The following PIN4 variants were observed in gnomAD, a reference collection of about 807,000 sequenced individuals.
PIN4 encodes the protein peptidyl-prolyl cis-trans isomerase NIMA-interacting 4.
In PIN4, 3 loss-of-function variants were observed where a neutral mutation model predicts 8.3. That is an observed-to-expected ratio of 0.36 (90% CI 0.16 to 0.93). The LOEUF (loss-of-function observed/expected upper bound fraction) is 0.93. Among genes scored for constraint, PIN4 ranks in the 40% least tolerant of loss-of-function variants. The pLI is 0.44. For synonymous variants in PIN4, 18 were observed against 32.5 expected, an observed-to-expected ratio of 0.55 and a Z score of 1.52; for missense variants, 75 against 100.6, an observed-to-expected ratio of 0.75 and a Z score of 1.09.
intron 2 of PIN4, among the ~76,000 whole-genome samples, chrX:72,189,345 C>G (rs777972230): frequency 9.0e-6 from 1 of 111,047 alleles, no homozygotes; most frequent in African/African-American, 3.3e-5. Flanking sequence ...TAACTATACC[C>G]GCTTCCCTCC....
At chrX:72,191,851 CCT>C (rs2042735853) in intron 2 of PIN4, among the ~76,000 whole-genome samples, 1 of 111,132 alleles carries the variant, frequency 9.0e-6, no homozygotes, top group African/African-American at 3.3e-5. Flanking sequence ...TTATCTCTAC[CCT>C]CTTTTTTGTT....
At chrX:72,220,458 A>G (rs1251002668) in intron 3 of PIN4, among the ~76,000 whole-genome samples, 3 of 111,496 alleles carry the variant, frequency 2.7e-5, no homozygotes, top group Non-Finnish European at 5.6e-5. Context: ...AACCACCTAA[A>G]TCTAAAGGGC....
At chrX:72,246,731 T>C (rs1426048196) in intron 3 of PIN4, among the ~76,000 whole-genome samples, 1 of 111,619 alleles carries the variant, frequency 9.0e-6, no homozygotes, top group Non-Finnish European at 1.9e-5. Context: ...TTCACCTCAC[T>C]ATTGTCTATT....
intron 3 of PIN4, among the ~76,000 whole-genome samples, chrX:72,222,785 A>T (rs979822171): frequency 2.8e-5 from 3 of 107,379 alleles, no homozygotes; most frequent in Admixed American, 9.9e-5. Context: ...TTTAGTAGAG[A>T]CAGGGTTTCA....
chrX:72,230,251 T>C (rs543527391), intron 3 of PIN4, among the ~76,000 whole-genome samples: 1 of 110,312 alleles, frequency 9.1e-6, no homozygotes. Context: ...TATCCCACAA[T>C]TCCAAACTCC....
intron 3 of PIN4, among the ~76,000 whole-genome samples, chrX:72,239,771 C>CAAAAA (rs1170667492): frequency 7.2e-5 from 1 of 13,860 alleles, no homozygotes; most frequent in East Asian, 2.2e-3. Context: ...GACTCCATCT[C>CAAAAA]AAAAAAAAAA....
intron 3 of PIN4, among the ~76,000 whole-genome samples, chrX:72,249,113 C>T (rs996777358): frequency 8.1e-5 from 9 of 111,434 alleles, no homozygotes; most frequent in Non-Finnish European, 1.7e-4. Flanking sequence ...TCCTACAAAT[C>T]AATAATAAAA....
intron 3 of PIN4, among the ~76,000 whole-genome samples, chrX:72,253,297 C>T (rs1015317002): frequency 8.9e-6 from 1 of 112,226 alleles, no homozygotes; most frequent in African/African-American, 3.2e-5. Context: ...ACTAGTCTCC[C>T]TATTCCCATT....
At position 72,224,521 on chromosome X, in the gene PIN4, C is replaced by T. The variant is rs572357088; in HGVS notation, c.312+27617C>T. On this transcript the variant is annotated intron_variant, in intron 3 of 3. Transcript: ENST00000423432. Reference sequence around the variant, plus strand: ...CAGCACTTTGGGAGGCCGAGGCAGGCGGATCACCTGAGTTTGGGAGCTTGA... The same window carrying T: ...CAGCACTTTGGGAGGCCGAGGCAGGTGGATCACCTGAGTTTGGGAGCTTGA... Among the ~76,000 whole-genome samples the T allele has an allele frequency of 1.1e-4, 12 of 111,717 alleles. No homozygotes were observed. The South Asian group carries it at 1.9e-3, about 18-fold the overall frequency.
chrX:72,192,047 T>G (rs1471388996), intron 2 of PIN4, among the ~76,000 whole-genome samples: 2 of 110,650 alleles, frequency 1.8e-5, no homozygotes, highest in Non-Finnish European at 3.8e-5. Context: ...CATCTCCCAG[T>G]TTCAAGCGAT....
chrX:72,225,619 GA>G (rs1460909312), intron 3 of PIN4, among the ~76,000 whole-genome samples: 1 of 111,311 alleles, frequency 9.0e-6, no homozygotes, highest in Non-Finnish European at 1.9e-5. Context: ...GGATTAGTGG[GA>G]TATTTCTGAT....
At chrX:72,196,287 G>T (rs183355779) in intron 2 of PIN4, among the ~76,000 whole-genome samples, 10 of 110,834 alleles carry the variant, frequency 9.0e-5, no homozygotes, top group African/African-American at 3.3e-4. Flanking sequence ...TGTAATCCCA[G>T]CACTTTGGGA....
intron 3 of PIN4, among the ~76,000 whole-genome samples, chrX:72,214,110 T>A (rs1328201678): frequency 8.9e-6 from 1 of 112,223 alleles, no homozygotes; most frequent in Non-Finnish European, 1.9e-5. Flanking sequence ...ATGCCAGTAT[T>A]GAAAACAGGT....
intron 3 of PIN4, among the ~76,000 whole-genome samples, chrX:72,237,071 G>T (rs1353423743): frequency 8.9e-6 from 1 of 112,210 alleles, no homozygotes. Flanking sequence ...TTCTTGAATG[G>T]CAATTTTAAA....
chrX:72,251,438 T>C (rs1226582883), intron 3 of PIN4, among the ~76,000 whole-genome samples: 1 of 110,224 alleles, frequency 9.1e-6, no homozygotes, highest in Non-Finnish European at 1.9e-5. Context: ...AAAGTGTATA[T>C]GTCTTTCTTA....
downstream of PIN4, among the ~76,000 whole-genome samples, chrX:72,200,030 G>A (rs2042784313): frequency 1.8e-5 from 2 of 110,618 alleles, no homozygotes; most frequent in Non-Finnish European, 1.9e-5. Context: ...GCTGAGTGTG[G>A]TGGTGTGTGC....
chrX:72,215,170 A>G (rs2042881063), intron 3 of PIN4, among the ~76,000 whole-genome samples: 1 of 112,137 alleles, frequency 8.9e-6, no homozygotes, highest in Non-Finnish European at 1.9e-5. Flanking sequence ...ATCAAGTTCT[A>G]AAATAGGCAA....
intron 3 of PIN4, among the ~76,000 whole-genome samples, chrX:72,251,546 AAC>A (rs753133213): frequency 1.8e-5 from 2 of 111,049 alleles, no homozygotes; most frequent in Non-Finnish European, 3.8e-5. Flanking sequence ...CACCTTTGCT[AAC>A]AGTGTTTTCC....
intron 2 of PIN4, among the ~76,000 whole-genome samples, chrX:72,189,630 C>T (rs1222123525): frequency 8.1e-5 from 9 of 111,525 alleles, no homozygotes; most frequent in South Asian, 3.8e-4. Context: ...ACTTTTTGAG[C>T]GCTGACATGA....
Sources: allele counts gnomAD v4.1 joint callset (sites outside exome capture counted in the v4.1 genomes callset), GRCh38; gene constraint gnomAD v4.1.1; transcripts MANE v1.5; gene names NCBI Gene and HGNC (gene_info 2026-07-23, HGNC 2026-07-21).